NDC1: variants seen among roughly 807,000 people sequenced by gnomAD.
NDC1 encodes the protein NDC1 transmembrane nucleoporin.
Under a neutral mutation model 89.8 loss-of-function variants are expected in NDC1, and 24 were observed. That is an observed-to-expected ratio of 0.27 (90% CI 0.19 to 0.38). The LOEUF (loss-of-function observed/expected upper bound fraction) is 0.38. Among genes scored for constraint, NDC1 ranks in the 10% least tolerant of loss-of-function variants. NDC1 has a pLI of 1.00. For missense variants in NDC1, 728 were observed against 797.6 expected (o/e 0.91, Z 1.05); for synonymous variants, 296 against 284.8 (o/e 1.04, Z -0.39).
intron 10 of NDC1, among the ~76,000 whole-genome samples, chr1:53,803,107 C>G (rs1248078661): frequency 6.6e-6 from 1 of 152,020 alleles, no homozygotes; most frequent in Non-Finnish European, 1.5e-5. Context: ...ACTTTGTCAC[C>G]CAGGCTAGAG....
chr1:53,820,167 A>G (rs1462027183), intron 5 of NDC1, among the ~76,000 whole-genome samples: 1 of 152,148 alleles, frequency 6.6e-6, no homozygotes, highest in East Asian at 1.9e-4. Flanking sequence ...ACGCAGGAGA[A>G]TCACTTGAAC....
In NDC1 at chr1:53,831,725, C is replaced by T. The variant is rs191400171; in HGVS notation, c.280+765G>A. 3.0e-4 allele frequency among the ~76,000 whole-genome samples: 45 copies of T among 151,592 alleles called. 1 individual carries two copies. Among genetic ancestry groups the T allele is most frequent in the African/African-American group, 1.1e-3 (44 of 41,352 alleles). On this transcript the variant is annotated intron_variant, in intron 3 of 17. Transcript: ENST00000371429. ...GTAAAAAAATAAGAGTCAGGAAAAGCTTCTTATTGTATCTTTTTTTCCTTA... is the reference window on the plus strand; with the variant it reads ...GTAAAAAAATAAGAGTCAGGAAAAGTTTCTTATTGTATCTTTTTTTCCTTA...
chr1:53,809,305 T>C (rs1648219693), intron 7 of NDC1, among the ~76,000 whole-genome samples: 1 of 152,218 alleles, frequency 6.6e-6, no homozygotes, highest in South Asian at 2.1e-4. Flanking sequence ...TGCGGAGAAC[T>C]GGGTGAGTGG....
At chr1:53,792,398 T>C (rs1449330372) in intron 14 of NDC1, among the ~76,000 whole-genome samples, 1 of 152,196 alleles carries the variant, frequency 6.6e-6, no homozygotes, top group Non-Finnish European at 1.5e-5. Flanking sequence ...CCTTCCACCA[T>C]AGTGGAAAAG....
At chr1:53,804,078 TTCA>T (rs895056797) in intron 9 of NDC1, 69 bp from the exon 10 acceptor site, 59 of 1,067,978 alleles carry the variant, frequency 5.5e-5, no homozygotes, top group Non-Finnish European at 7.4e-5. Context: ...ACTAATTGGG[TTCA>T]TCATTATATA....
chr1:53,838,093 T>G (rs780503575), intron 1 of NDC1, 112 bp downstream of exon 1: 7 of 975,626 alleles, frequency 7.2e-6, no homozygotes, highest in African/African-American at 3.3e-5. Context: ...CCACGCGTTC[T>G]CTCCACGCTG....
In NDC1 at chr1:53,796,675, CCATAT is replaced by C. The variant is rs1557574681; in HGVS notation, c.1584+9_1584+13del. 6.6e-7 allele frequency: 1 copy of C among 1,509,184 alleles called. No homozygotes were observed. Among genetic ancestry groups the C allele is most frequent in the Non-Finnish European group, 9.1e-7 (1 of 1,103,702 alleles). 93.5% of individuals were successfully genotyped at this position (1,509,184 alleles called of 1,614,324 possible). A position where few individuals can be genotyped will look rare whatever the true frequency, so the allele number is the denominator to read the frequency against. Reference sequence around the variant, plus strand: ...TTACATGCAAATATAAATCCTATAACCATATCATCCTACCTGTTCACGTTTATTCT... The same window carrying C: ...TTACATGCAAATATAAATCCTATAACCATCCTACCTGTTCACGTTTATTCT... On this transcript the variant is annotated intron_variant, in intron 13 of 17. Coordinates refer to ENST00000371429, the MANE Select transcript of NDC1 (RefSeq NM_018087.5).
chr1:53,821,429 C>T (rs1570227452), intron 5 of NDC1, among the ~76,000 whole-genome samples: 1 of 152,160 alleles, frequency 6.6e-6, no homozygotes, highest in South Asian at 2.1e-4. Context: ...GGTGACAGAG[C>T]GAGACTGTCT....
At position 53,789,127 on chromosome 1, in the gene NDC1, G is replaced by A. The variant is rs377046272; in HGVS notation, c.1699+6C>T. Reference sequence around the variant, plus strand: ...ATCATAGTTACAGTTCACAGTCATTGCTTACCTTCTAATGCCCAAATATGC... The same window carrying A: ...ATCATAGTTACAGTTCACAGTCATTACTTACCTTCTAATGCCCAAATATGC... On this transcript the variant is annotated splice_donor_region_variant and intron_variant, in intron 15 of 17. Coordinates refer to ENST00000371429, the MANE Select transcript of NDC1 (RefSeq NM_018087.5). The A allele has an allele frequency of 9.5e-6, 15 of 1,575,684 alleles. No individual in the cohort carries two copies. In the African/African-American group the frequency reaches 1.8e-4, roughly 18 times the overall value.
intron 13 of NDC1, among the ~76,000 whole-genome samples, chr1:53,795,001 C>G (rs988669280): frequency 1.3e-5 from 2 of 152,174 alleles, no homozygotes; most frequent in African/African-American, 4.8e-5. Flanking sequence ...AATTCGTCTA[C>G]CAATCTCTCC....
At chr1:53,838,183 C>T (rs1256063788) in intron 1 of NDC1, 22 bp downstream of exon 1, 6 of 1,532,094 alleles carry the variant, frequency 3.9e-6, no homozygotes, top group Non-Finnish European at 5.2e-6. Flanking sequence ...GCAGTGCGTG[C>T]CACAGTGCAC....
intron 2 of NDC1, 91 bp from the exon 3 acceptor site, chr1:53,832,682 T>C (rs989579436): frequency 1.8e-5 from 12 of 649,840 alleles, no homozygotes; most frequent in Non-Finnish European, 3.0e-5. Flanking sequence ...TGAACCACAA[T>C]TGTCATTAAT....
intron 6 of NDC1, among the ~76,000 whole-genome samples, chr1:53,816,975 A>C (rs1212049887): frequency 2.0e-5 from 3 of 152,238 alleles, no homozygotes; most frequent in African/African-American, 7.2e-5. Flanking sequence ...GGCCATAATC[A>C]AAAAATCAAA....
intron 17 of NDC1, among the ~76,000 whole-genome samples, chr1:53,770,603 G>T (rs1242062884): frequency 6.6e-6 from 1 of 151,736 alleles, no homozygotes; most frequent in South Asian, 2.1e-4. Context: ...CTCTGCAACC[G>T]GCCCATTCTC....
intron 15 of NDC1, among the ~76,000 whole-genome samples, chr1:53,788,820 C>T (rs1423638735): frequency 6.6e-6 from 1 of 151,688 alleles, no homozygotes; most frequent in African/African-American, 2.4e-5. Flanking sequence ...TTGTTTGAGC[C>T]CAGAAGGTTG....
At chr1:53,781,048 G>A (rs1417400638) in intron 16 of NDC1, among the ~76,000 whole-genome samples, 2 of 151,800 alleles carry the variant, frequency 1.3e-5, no homozygotes, top group Non-Finnish European at 2.9e-5. Context: ...TATAGACACT[G>A]TCTCACTATG....
intron 16 of NDC1, among the ~76,000 whole-genome samples, chr1:53,786,506 T>C (rs1570170323): frequency 6.6e-6 from 1 of 152,362 alleles, no homozygotes; most frequent in South Asian, 2.1e-4. Context: ...GCATGGGTCA[T>C]TTAATCACAG....
At chr1:53,791,414 C>G (rs374267144) in intron 14 of NDC1, among the ~76,000 whole-genome samples, 2 of 143,196 alleles carry the variant, frequency 1.4e-5, no homozygotes, top group Non-Finnish European at 3.0e-5. Context: ...CCAGCCTGGG[C>G]GACAGAGCGA....
At chr1:53,768,666 T>C (rs760496333) in intron 17 of NDC1, among the ~76,000 whole-genome samples, 4 of 152,184 alleles carry the variant, frequency 2.6e-5, no homozygotes, top group Admixed American at 1.3e-4. Context: ...AAAAATTGAA[T>C]ATAATGAAAA....
Sources: allele counts gnomAD v4.1 joint callset (sites outside exome capture counted in the v4.1 genomes callset), GRCh38; gene constraint gnomAD v4.1.1; transcripts MANE v1.5; gene names NCBI Gene and HGNC (gene_info 2026-07-23, HGNC 2026-07-21).